Variants in MYZAP observed in about 807,000 individuals in gnomAD.
MYZAP encodes the protein myocardial zonula adherens protein.
A neutral mutation model predicts 69.4 loss-of-function variants in MYZAP; 66 were observed. That is an observed-to-expected ratio of 0.95 (90% CI 0.78 to 1.17). MYZAP has a LOEUF of 1.17. Ranked by LOEUF, MYZAP falls within the 50% of genes most tolerant of loss-of-function variation. The pLI, the probability that MYZAP is intolerant of heterozygous loss-of-function variation, is 0.00. For missense variants in MYZAP, 611 were observed against 556.2 expected (o/e 1.10, Z -0.99); for synonymous variants, 256 against 205.9 (o/e 1.24, Z -2.09).
rs540380054 is a variant in MYZAP, at chr15:57,640,170, C to T, written c.1119+625C>T. Reference sequence around the variant, plus strand: ...ATTCTCTTTTTTCTAAATGAGAAAACGGGTAAGTTGAACATTTCTATTTCT... The same window carrying T: ...ATTCTCTTTTTTCTAAATGAGAAAATGGGTAAGTTGAACATTTCTATTTCT... On this transcript the variant is annotated intron_variant, in intron 10 of 12. Transcript: ENST00000267853. 9.9e-5 allele frequency among the ~76,000 whole-genome samples: 15 copies of T among 152,210 alleles called. No homozygotes were observed. The East Asian group carries it at 2.5e-3, about 25-fold the overall frequency.
At chr15:57,592,199 G>T (rs985974314) in intron 1 of MYZAP, 90 bp downstream of exon 1, 18 of 1,151,862 alleles carry the variant, frequency 1.6e-5, no homozygotes, top group Non-Finnish European at 1.6e-5. Context: ...AAGCTCGGGA[G>T]CCAGCACCTG....
chr15:57,680,787 C>T (rs1020659742), intron 12 of MYZAP: 5 of 152,178 alleles, frequency 3.3e-5, no homozygotes, highest in East Asian at 3.8e-4. Flanking sequence ...GTGCTCAGCA[C>T]GTAGTAAGTG....
intron 6 of MYZAP, 105 bp from the exon 7 acceptor site, chr15:57,632,329 A>T: frequency 6.5e-7 from 1 of 1,543,538 alleles, no homozygotes; most frequent in South Asian, 1.2e-5. Context: ...AACCCAGTGG[A>T]TGGGCTCACT....
At chr15:57,628,976 G>A (rs1292924714) in intron 5 of MYZAP, among the ~76,000 whole-genome samples, 3 of 151,746 alleles carry the variant, frequency 2.0e-5, no homozygotes, top group South Asian at 2.1e-4. Context: ...CCAGCTACTC[G>A]GGAGGCTGAG....
chr15:57,611,943 A>T lies in MYZAP; in HGVS notation c.163-6090A>T, dbSNP rs1372509211. On this transcript the variant is annotated intron_variant, in intron 2 of 12. Transcript: ENST00000267853. ...AGCCAGAGGTTTCAGTTTTTCTGAG[A>T]ATATTTATTTCCCAGGCTGTGGAAA... Among the ~76,000 whole-genome samples, 13 of 152,134 alleles carry T rather than the reference A, an allele frequency of 8.5e-5. 1 individual carries two copies. Among genetic ancestry groups the T allele is most frequent in the Admixed American group, 8.5e-4 (13 of 15,282 alleles).
chr15:57,624,094 T>C (rs964683630), intron 4 of MYZAP, among the ~76,000 whole-genome samples: 5 of 152,214 alleles, frequency 3.3e-5, no homozygotes, highest in Admixed American at 3.3e-4. Flanking sequence ...ACTTTTGAAA[T>C]GTTTGCACCA....
chr15:57,663,312 A>C (rs2140557636), intron 11 of MYZAP, among the ~76,000 whole-genome samples: 1 of 151,934 alleles, frequency 6.6e-6, no homozygotes, highest in Non-Finnish European at 1.5e-5. Flanking sequence ...AGAAATAGCT[A>C]TGTTGGTTTA....
intron 1 of MYZAP, among the ~76,000 whole-genome samples, chr15:57,597,192 T>G (rs2034117016): frequency 6.6e-6 from 1 of 152,144 alleles, no homozygotes; most frequent in South Asian, 2.1e-4. Flanking sequence ...CTCCAAATAT[T>G]CGAGTTGCCT....
chr15:57,621,729 T>C (rs1396371752), intron 4 of MYZAP, 29 bp downstream of exon 4: 6 of 1,610,506 alleles, frequency 3.7e-6, no homozygotes, highest in African/African-American at 2.7e-5. Context: ...TGCTTGGAGA[T>C]AGGGAGGCAT....
chr15:57,603,737 A>G (rs867383694), intron 1 of MYZAP, among the ~76,000 whole-genome samples: 8 of 152,320 alleles, frequency 5.3e-5, no homozygotes, highest in Admixed American at 1.3e-4. Flanking sequence ...TCATCTGTCA[A>G]TGGACATTTG....
rs780959162 is a variant in MYZAP at position 57,661,451 on chromosome 15, T to C, written c.1121T>C (p.Ile374Thr). 6.2e-7 allele frequency: 1 copy of C among 1,606,356 alleles called. No homozygotes were observed. The highest frequency in any genetic ancestry group is 8.5e-7 in the Non-Finnish European group (1 of 1,176,822). The change falls in exon 11 of 13, where the codon ATT becomes ACT. Residue 374 changes from isoleucine to threonine, a missense_variant and splice_region_variant. Transcript: ENST00000267853. ...QKKVKQMVEE[I>T]ESLKKKLQQK... ...AATTTTCCATCCCTTTCTTTCTAGA[T>C]TGAATCATTAAAGAAAAAGTTGCAA...
Position 57,592,067 on chromosome 15 carries a change from C to T in MYZAP, c.33C>T (p.Leu11=), listed in dbSNP as rs1301779595. The T allele has an allele frequency of 9.3e-6, 13 of 1,399,138 alleles. No homozygotes were observed. The highest frequency in any genetic ancestry group is 2.5e-4 in the Middle Eastern group (1 of 3,938). 86.7% of individuals were successfully genotyped at this position (1,399,138 alleles called of 1,614,324 possible). Residue 11 remains leucine (L), a synonymous_variant, in exon 1 of 13, where the codon CTC becomes CTT. Transcript: ENST00000267853. ...GCTCCACGTCCACGGTCACCCTGCT[C>T]TCGGGCGGCGCCGCCAGGACGCCCG... The part of the protein sequence containing the change: MLRSTSTVTL[L]SGGAARTPGA...
rs775491208 is a variant in MYZAP, at chr15:57,592,088, G to C, written c.54G>C (p.Thr18=). 47 of 1,372,004 alleles carry C rather than the reference G, an allele frequency of 3.4e-5. No individual in the cohort carries two copies. In the African/African-American group the frequency reaches 5.5e-4, roughly 16 times the overall value. The allele number at this position is 1,372,004 out of a possible 1,614,324, so 85.0% of individuals were successfully genotyped here. The change falls in exon 1 of 13, where the codon ACG becomes ACC. Residue 18 remains threonine, a synonymous_variant. Transcript: ENST00000267853. ...VTLLSGGAAR[T]PGAPSRRANV... ...TGCTCTCGGGCGGCGCCGCCAGGAC[G>C]CCCGGGGCGCCCAGCAGGAGGGTGA...
intron 6 of MYZAP, among the ~76,000 whole-genome samples, chr15:57,630,358 G>T (rs1210010090): frequency 6.6e-6 from 1 of 152,204 alleles, no homozygotes; most frequent in Non-Finnish European, 1.5e-5. Context: ...TCACCATGGT[G>T]CTGTTGTTAT....
chr15:57,623,437 A>C (rs2035937364), intron 4 of MYZAP, among the ~76,000 whole-genome samples: 1 of 152,190 alleles, frequency 6.6e-6, no homozygotes, highest in African/African-American at 2.4e-5. Context: ...AATGTCTATC[A>C]AGTAGAGGAA....
chr15:57,684,026 T>C (rs1412528145), intron 12 of MYZAP, among the ~76,000 whole-genome samples: 1 of 152,096 alleles, frequency 6.6e-6, no homozygotes, highest in Non-Finnish European at 1.5e-5. Context: ...ACTCCCGACT[T>C]CAGGTGATCC....
At chr15:57,669,275 G>T (rs1243455844) in intron 11 of MYZAP, among the ~76,000 whole-genome samples, 4 of 151,996 alleles carry the variant, frequency 2.6e-5, no homozygotes, top group Non-Finnish European at 4.4e-5. Context: ...AGAAATATTT[G>T]CCTACTACAA....
At position 57,618,126 on chromosome 15, in the gene MYZAP, GA is replaced by G. The variant is rs2035591931; in HGVS notation, c.259del (p.Met87TrpfsTer11). 1 of 1,614,080 alleles carries G rather than the reference GA, an allele frequency of 6.2e-7. No individual in the cohort carries two copies. Among genetic ancestry groups the G allele is most frequent in the South Asian group, 1.1e-5 (1 of 91,086 alleles). ...VRRSDQNQQK[E>X]MVVYGWSTSQ... is the part of the protein sequence containing the mutation. The stretch of plus-strand genomic sequence containing the variant: ...AAGATCAGATCAAAATCAGCAGAAA[GA>G]AATGGTGGTGTATGGGTGGTCCACC... On this transcript the variant is annotated frameshift_variant, in exon 3 of 13. Coordinates refer to ENST00000267853, the MANE Select transcript of MYZAP (RefSeq NM_001018100.5). LOFTEE classifies it high-confidence loss of function.
chr15:57,670,924 T>A (rs1567238687), intron 11 of MYZAP, among the ~76,000 whole-genome samples: 1 of 152,082 alleles, frequency 6.6e-6, no homozygotes. Context: ...TAATTTTATA[T>A]GTATTGTATC....
Sources: allele counts gnomAD v4.1 joint callset (sites outside exome capture counted in the v4.1 genomes callset), GRCh38; gene constraint gnomAD v4.1.1; transcripts MANE v1.5; gene names NCBI Gene and HGNC (gene_info 2026-07-23, HGNC 2026-07-21).